The following EXOC4 variants were observed in gnomAD, a reference collection of about 807,000 sequenced individuals.
The protein encoded by EXOC4 is exocyst complex component 4.
EXOC4 carries 71 observed loss-of-function variants against 107.2 expected under a neutral mutation model. The ratio of observed to expected loss-of-function variants is 0.66; its 90% confidence interval spans 0.55 to 0.81. The LOEUF is 0.81. Among genes scored for constraint, EXOC4 ranks in the 30% least tolerant of loss-of-function variants. EXOC4 has a pLI of 0.00. For synonymous variants in EXOC4, 456 were observed against 441.2 expected, an observed-to-expected ratio of 1.03 and a Z score of -0.42; for missense variants, 1,108 against 1,189.6, an observed-to-expected ratio of 0.93 and a Z score of 1.01.
chr7:133,571,982 A>C (rs1200759195), intron 9 of EXOC4, among the ~76,000 whole-genome samples: 3 of 152,236 alleles, frequency 2.0e-5, no homozygotes. Context: ...TTTAAAAGGG[A>C]TACTTTGAAA....
At chr7:133,497,426 G>T (rs1470457184) in intron 9 of EXOC4, among the ~76,000 whole-genome samples, 2 of 150,540 alleles carry the variant, frequency 1.3e-5, no homozygotes. Flanking sequence ...CTCTCTGTCA[G>T]TGTTTTTTTT....
intron 11 of EXOC4, among the ~76,000 whole-genome samples, chr7:133,864,404 C>T (rs1374132655): frequency 6.6e-6 from 1 of 152,188 alleles, no homozygotes; most frequent in Non-Finnish European, 1.5e-5. Flanking sequence ...GTTCTTCTCA[C>T]TCTACTACAC....
chr7:133,923,128 CTT>C (rs35715979), intron 13 of EXOC4, among the ~76,000 whole-genome samples: 24 of 126,502 alleles, frequency 1.9e-4, no homozygotes, highest in East Asian at 2.3e-4. Flanking sequence ...AGAGTTTACA[CTT>C]TTTTTTTTTT....
intron 10 of EXOC4, among the ~76,000 whole-genome samples, chr7:133,640,966 T>C (rs920841756): frequency 2.0e-5 from 3 of 152,030 alleles, no homozygotes; most frequent in African/African-American, 7.2e-5. Flanking sequence ...GCAGAATGCC[T>C]GGGCTCAAGC....
chr7:133,515,860 C>G (rs551752822), intron 9 of EXOC4, among the ~76,000 whole-genome samples: 44 of 152,248 alleles, frequency 2.9e-4, no homozygotes, highest in African/African-American at 1.0e-3. Context: ...CCAACAACAT[C>G]TCTTCTTATA....
intron 9 of EXOC4, among the ~76,000 whole-genome samples, chr7:133,567,144 C>G (rs889352969): frequency 2.0e-5 from 3 of 152,062 alleles, no homozygotes; most frequent in Non-Finnish European, 4.4e-5. Flanking sequence ...TGTTAAACAT[C>G]TCCTTAAAAC....
At chr7:133,559,926 A>G (rs1800775135) in intron 9 of EXOC4, among the ~76,000 whole-genome samples, 1 of 152,196 alleles carries the variant, frequency 6.6e-6, no homozygotes, top group African/African-American at 2.4e-5. Flanking sequence ...AGCCCTGACC[A>G]TAACCATGTG....
intron 7 of EXOC4, among the ~76,000 whole-genome samples, chr7:133,460,330 G>T (rs1398661774): frequency 6.6e-6 from 1 of 152,082 alleles, no homozygotes; most frequent in East Asian, 1.9e-4. Flanking sequence ...GTTCCTAACA[G>T]GCCATGGGCT....
intron 7 of EXOC4, among the ~76,000 whole-genome samples, chr7:133,399,625 C>T (rs1447261994): frequency 2.6e-5 from 4 of 152,194 alleles, no homozygotes; most frequent in South Asian, 2.1e-4. Flanking sequence ...AAGAGATGCA[C>T]ACAAGATGTG....
chr7:133,844,110 T>C (rs947211196), intron 11 of EXOC4, among the ~76,000 whole-genome samples: 2 of 152,150 alleles, frequency 1.3e-5, no homozygotes, highest in African/African-American at 4.8e-5. Context: ...ATTAAGGATA[T>C]TGGCCTTAAG....
chr7:133,626,294 G>T (rs543402171), intron 9 of EXOC4, among the ~76,000 whole-genome samples: 1 of 152,262 alleles, frequency 6.6e-6, no homozygotes, highest in African/African-American at 2.4e-5. Flanking sequence ...TTCTCACCCA[G>T]AATACTGAAA....
chr7:133,924,037 C>T (rs905210009), intron 13 of EXOC4, among the ~76,000 whole-genome samples: 3 of 151,234 alleles, frequency 2.0e-5, no homozygotes, highest in African/African-American at 4.9e-5. Flanking sequence ...ATTGAGAGAT[C>T]GATTGGTTAG....
At chr7:133,274,885 C>A in intron 1 of EXOC4, 97 bp from the exon 2 acceptor site, 1 of 927,252 alleles carries the variant, frequency 1.1e-6, no homozygotes, top group Non-Finnish European at 1.6e-6. Context: ...GATGAATGTG[C>A]TTCACCTTCC....
chr7:133,896,398 T>C (rs1413939529), intron 12 of EXOC4, among the ~76,000 whole-genome samples: 1 of 152,090 alleles, frequency 6.6e-6, no homozygotes, highest in Admixed American at 6.5e-5. Flanking sequence ...GAATGTATAA[T>C]AAAATACTAA....
intron 9 of EXOC4, among the ~76,000 whole-genome samples, chr7:133,553,135 C>G (rs1238440993): frequency 6.6e-6 from 1 of 151,932 alleles, no homozygotes; most frequent in Non-Finnish European, 1.5e-5. Flanking sequence ...ATTATATATC[C>G]CAGTTTATAG....
At chr7:133,915,281 G>A (rs1585245289) in intron 12 of EXOC4, among the ~76,000 whole-genome samples, 1 of 152,156 alleles carries the variant, frequency 6.6e-6, no homozygotes, top group Admixed American at 6.5e-5. Flanking sequence ...TAAAATAACA[G>A]AGGATTAGGG....
At chr7:133,446,275 A>G (rs1046778519) in intron 7 of EXOC4, among the ~76,000 whole-genome samples, 1 of 152,162 alleles carries the variant, frequency 6.6e-6, no homozygotes, top group Admixed American at 6.6e-5. Flanking sequence ...AAACCTCTCA[A>G]TAAAACTGTT....
At chr7:133,458,660 G>A (rs1025475280) in intron 7 of EXOC4, among the ~76,000 whole-genome samples, 2 of 152,200 alleles carry the variant, frequency 1.3e-5, no homozygotes, top group African/African-American at 4.8e-5. Flanking sequence ...GGACACCAGA[G>A]AAATTTTTGA....
In EXOC4 at chr7:133,687,912, A is replaced by G. The variant is rs776746944; in HGVS notation, c.1514+57771A>G. Among the ~76,000 whole-genome samples, 37 of 152,348 alleles carry G rather than the reference A, an allele frequency of 2.4e-4. 1 individual carries two copies. The highest frequency in any genetic ancestry group is 1.4e-3 in the South Asian group (7 of 4,832). ...CGTTAGATAAAGATATTTATTTAACATAAATATTTTCATTGCATCTTAAAA... is the reference window on the plus strand; with the variant it reads ...CGTTAGATAAAGATATTTATTTAACGTAAATATTTTCATTGCATCTTAAAA... On this transcript the variant is annotated intron_variant, in intron 10 of 17. Transcript: ENST00000253861.
Sources: gnomAD v4.1 joint callset for allele counts (sites outside exome capture counted in the v4.1 genomes callset) on GRCh38, gnomAD v4.1.1 for gene constraint, MANE v1.5 for transcripts, NCBI Gene and HGNC (gene_info 2026-07-23, HGNC 2026-07-21) for gene names.